Variants in DIS3L2 observed in about 807,000 individuals in gnomAD.
The protein encoded by DIS3L2 is DIS3 like 3'-5' exoribonuclease 2, also known as DIS3-like exonuclease 2.
Under a neutral mutation model 97.5 loss-of-function variants are expected in DIS3L2, and 34 were observed. The ratio of observed to expected loss-of-function variants is 0.35; its 90% confidence interval spans 0.27 to 0.46. The LOEUF is 0.46. DIS3L2 is among the 20% of genes least tolerant of loss of function. DIS3L2 has a pLI of 1.00. For missense variants in DIS3L2, 1,038 were observed against 1,146.0 expected, an observed-to-expected ratio of 0.91 and a Z score of 1.36; for synonymous variants, 435 against 445.2, an observed-to-expected ratio of 0.98 and a Z score of 0.29.
intron 14 of DIS3L2, among the ~76,000 whole-genome samples, chr2:232,312,806 C>T (rs1559207049): frequency 6.6e-6 from 1 of 152,168 alleles, no homozygotes; most frequent in Non-Finnish European, 1.5e-5. Flanking sequence ...GCTCATGTTT[C>T]ATTGGATTTA....
chr2:232,110,896 A>G (rs1697507482), intron 6 of DIS3L2, among the ~76,000 whole-genome samples: 1 of 152,164 alleles, frequency 6.6e-6, no homozygotes, highest in African/African-American at 2.4e-5. Context: ...AAATTAAAAA[A>G]AAAAAAGAAA....
chr2:232,296,876 C>G (rs1038445513), intron 13 of DIS3L2, among the ~76,000 whole-genome samples: 3 of 152,204 alleles, frequency 2.0e-5, no homozygotes, highest in Non-Finnish European at 4.4e-5. Flanking sequence ...CTCCCCTACC[C>G]TATCACCACC....
chr2:232,305,182 T>A (rs1694956126), intron 14 of DIS3L2, among the ~76,000 whole-genome samples: 1 of 152,168 alleles, frequency 6.6e-6, no homozygotes, highest in Non-Finnish European at 1.5e-5. Context: ...TTCAAGTGAT[T>A]CTCTTGCCTC....
intron 6 of DIS3L2, among the ~76,000 whole-genome samples, chr2:232,109,146 A>G (rs1216215596): frequency 6.6e-6 from 1 of 152,170 alleles, no homozygotes; most frequent in African/African-American, 2.4e-5. Flanking sequence ...ACCCTACCCA[A>G]CTTTAAACTA....
intron 1 of DIS3L2, among the ~76,000 whole-genome samples, chr2:232,007,185 A>G (rs1212912761): frequency 6.6e-6 from 1 of 152,228 alleles, no homozygotes. Context: ...GTTCTAGAGT[A>G]GATTAAAATA....
chr2:232,225,379 A>G (rs1052847785), intron 10 of DIS3L2, among the ~76,000 whole-genome samples: 1 of 152,256 alleles, frequency 6.6e-6, no homozygotes, highest in Non-Finnish European at 1.5e-5. Context: ...TTACAATGGA[A>G]TATTATATAG....
At chr2:232,000,427 A>G (rs1430431194) in intron 1 of DIS3L2, among the ~76,000 whole-genome samples, 1 of 151,434 alleles carries the variant, frequency 6.6e-6, no homozygotes, top group African/African-American at 2.4e-5. Flanking sequence ...TCTCCCCTCA[A>G]CCCCCAGCCT....
intron 9 of DIS3L2, chr2:232,198,915 A>C (rs968114743): frequency 1.8e-4 from 28 of 152,154 alleles, no homozygotes; most frequent in Admixed American, 7.9e-4. Flanking sequence ...TCCTATTCAT[A>C]ATTGTAATCA....
intron 5 of DIS3L2, among the ~76,000 whole-genome samples, chr2:232,054,787 A>G (rs1450529999): frequency 6.6e-6 from 1 of 152,356 alleles, no homozygotes; most frequent in East Asian, 1.9e-4. Flanking sequence ...TCAAAACGTG[A>G]CAAAGATAAT....
At chr2:232,032,216 A>G (rs1248913027) in intron 5 of DIS3L2, among the ~76,000 whole-genome samples, 5 of 152,190 alleles carry the variant, frequency 3.3e-5, no homozygotes, top group Non-Finnish European at 7.4e-5. Flanking sequence ...CTGGCGTGAG[A>G]TAATATCTCA....
intron 14 of DIS3L2, among the ~76,000 whole-genome samples, chr2:232,326,868 T>C (rs1695592259): frequency 6.6e-6 from 1 of 151,956 alleles, no homozygotes; most frequent in African/African-American, 2.4e-5. Context: ...TCACCAAGAG[T>C]GCACTTGTTC....
chr2:232,297,638 A>G (rs1041826017), intron 13 of DIS3L2, among the ~76,000 whole-genome samples: 2 of 151,992 alleles, frequency 1.3e-5, no homozygotes, highest in Non-Finnish European at 2.9e-5. Context: ...AAAGAAAGTA[A>G]TCACCTGGAA....
rs907596583 is a variant in DIS3L2, at chr2:232,292,282, C to G, written c.1660-7758C>G. ...CATTGTTTCTGCCCCTAAGTTCTCCCTAAAGTGCCATCCCCAAGCAGCAAT... is the reference window on the plus strand; with the variant it reads ...CATTGTTTCTGCCCCTAAGTTCTCCGTAAAGTGCCATCCCCAAGCAGCAAT... On this transcript the variant is annotated intron_variant, in intron 13 of 20. Transcript: ENST00000325385. The surrounding 1 kb of genome is among the most constrained non-coding windows in gnomAD (Gnocchi z 4.4). Among the ~76,000 whole-genome samples, 1 of 152,170 alleles carries G rather than the reference C, an allele frequency of 6.6e-6. No homozygotes were observed. Among genetic ancestry groups the G allele is most frequent in the Non-Finnish European group, 1.5e-5 (1 of 68,024 alleles).
At chr2:232,329,785 T>TCCCCGGGGCC in intron 14 of DIS3L2, 28 bp from the exon 15 acceptor site, 17 of 967,138 alleles carry the variant, frequency 1.8e-5, no homozygotes, top group Admixed American at 3.4e-5. Flanking sequence ...ACCCCAGCGG[T>TCCCCGGGGCC]CCCTCCCATC....
intron 9 of DIS3L2, among the ~76,000 whole-genome samples, chr2:232,167,540 T>C (rs1690860732): frequency 6.6e-6 from 1 of 152,208 alleles, no homozygotes; most frequent in African/African-American, 2.4e-5. Flanking sequence ...AAAGGATATA[T>C]GTTTAGAAGA....
At chr2:232,336,288 C>T in intron 20 of DIS3L2, 181 bp from the exon 21 acceptor site, 1 of 1,546,968 alleles carries the variant, frequency 6.5e-7, no homozygotes. Context: ...GCATCTGACT[C>T]CCCAACTCTG....
chr2:231,992,717 A>T (rs536769476), intron 1 of DIS3L2, among the ~76,000 whole-genome samples: 2 of 152,186 alleles, frequency 1.3e-5, no homozygotes, highest in East Asian at 3.9e-4. Flanking sequence ...TCTCTTAGTG[A>T]CATAGGGCTT....
chr2:231,971,667 C>T (rs891134100), intron 1 of DIS3L2, among the ~76,000 whole-genome samples: 4 of 151,902 alleles, frequency 2.6e-5, no homozygotes, highest in Non-Finnish European at 4.4e-5. Flanking sequence ...AGGATGGTCT[C>T]GATCTCCTGA....
intron 10 of DIS3L2, among the ~76,000 whole-genome samples, chr2:232,222,542 C>T (rs1188143557): frequency 6.6e-6 from 1 of 152,172 alleles, no homozygotes; most frequent in African/African-American, 2.4e-5. Flanking sequence ...GCAGTCTTGG[C>T]TTACTGCAAC....
Sources: allele counts gnomAD v4.1 joint callset (sites outside exome capture counted in the v4.1 genomes callset), GRCh38; gene constraint gnomAD v4.1.1; non-coding constraint Gnocchi (gnomAD v3.1); transcripts MANE v1.5; gene names NCBI Gene and HGNC (gene_info 2026-07-23, HGNC 2026-07-21).